The following CSMD1 variants were observed in gnomAD, a reference collection of about 807,000 sequenced individuals.
CSMD1 encodes CUB and Sushi multiple domains 1.
In CSMD1, 213 loss-of-function variants were observed where a neutral mutation model predicts 417.5. That is an observed-to-expected ratio of 0.51 (90% CI 0.46 to 0.57). The LOEUF is 0.57. CSMD1 is among the 20% of genes least tolerant of loss of function. The pLI is 0.00. For missense variants in CSMD1, 6,923 were observed against 4,529.7 expected (o/e 1.53, Z -15.17); for synonymous variants, 2,862 against 1,736.8 (o/e 1.65, Z -16.11).
intron 1 of CSMD1, among the ~76,000 whole-genome samples, chr8:4,650,347 G>GAAAAAAA (rs61642390): frequency 1.3e-5 from 1 of 78,250 alleles, no homozygotes; most frequent in African/African-American, 4.3e-5. Context: ...TCCGTCTCAA[G>GAAAAAAA]AAAAAAAAAA....
At chr8:3,439,281 G>GTATATATATATATATAGATATATATATA (rs1814793474) in intron 12 of CSMD1, among the ~76,000 whole-genome samples, 1 of 54,344 alleles carries the variant, frequency 1.8e-5, no homozygotes, top group Non-Finnish European at 3.3e-5. Flanking sequence ...GGCAATGTCA[G>GTATATATATATATATAGATATATATATA]TATATATATA....
intron 38 of CSMD1, among the ~76,000 whole-genome samples, chr8:3,159,693 T>A (rs1242943525): frequency 6.6e-6 from 1 of 152,198 alleles, no homozygotes; most frequent in East Asian, 1.9e-4. Flanking sequence ...TGGCATTGTT[T>A]GTAACGAAGA....
At chr8:4,022,965 C>G (rs2130514795) in intron 4 of CSMD1, among the ~76,000 whole-genome samples, 1 of 152,226 alleles carries the variant, frequency 6.6e-6, no homozygotes, top group Non-Finnish European at 1.5e-5. Flanking sequence ...AATTTGAGGG[C>G]AAATAAATAG....
intron 10 of CSMD1, among the ~76,000 whole-genome samples, chr8:3,553,908 C>G (rs1585354334): frequency 2.0e-5 from 3 of 152,106 alleles, no homozygotes; most frequent in Admixed American, 2.0e-4. Flanking sequence ...TTTAAATGGT[C>G]ATGTAAAGGC....
Position 3,926,102 on chromosome 8 carries a change from C to CAA in CSMD1, c.818+71800_818+71801insTT, listed in dbSNP as rs1197017795. Among the ~76,000 whole-genome samples, 6 of 52,094 alleles carry CAA rather than the reference C, an allele frequency of 1.2e-4. 1 individual carries two copies. Among genetic ancestry groups the CAA allele is most frequent in the East Asian group, 3.3e-3 (2 of 602 alleles). The allele number at this position is 52,094 out of a possible 152,430, so 34.2% of individuals were successfully genotyped here. Reference sequence around the variant, plus strand: ...CACCATACACACACACACACACACACACACACACACACACACACACACACA... The same window carrying CAA: ...CACCATACACACACACACACACACACAAACACACACACACACACACACACACA... On this transcript the variant is annotated intron_variant, in intron 5 of 69. Coordinates refer to ENST00000635120, the MANE Select transcript of CSMD1 (RefSeq NM_033225.6).
intron 8 of CSMD1, among the ~76,000 whole-genome samples, chr8:3,605,941 A>C (rs1420772186): frequency 6.6e-6 from 1 of 152,192 alleles, no homozygotes; most frequent in Admixed American, 6.5e-5. Flanking sequence ...TGTTAGCCTC[A>C]GTTTAATCCA....
chr8:3,111,198 C>T (rs577708728), intron 42 of CSMD1, among the ~76,000 whole-genome samples: 1 of 152,018 alleles, frequency 6.6e-6, no homozygotes, highest in African/African-American at 2.4e-5. Context: ...GGAAAAAGGC[C>T]CAAATACACA....
chr8:4,202,597 T>A (rs758030065), intron 3 of CSMD1, among the ~76,000 whole-genome samples: 1 of 152,244 alleles, frequency 6.6e-6, no homozygotes, highest in Non-Finnish European at 1.5e-5. Flanking sequence ...GTTACTTTCC[T>A]GCAATCTCTT....
chr8:3,673,818 A>G (rs571453736), intron 7 of CSMD1, among the ~76,000 whole-genome samples: 1 of 152,296 alleles, frequency 6.6e-6, no homozygotes, highest in East Asian at 1.9e-4. Context: ...ACACGCCATC[A>G]TTAGGAACTC....
chr8:4,271,850 G>T (rs887305070), intron 3 of CSMD1, among the ~76,000 whole-genome samples: 1 of 152,116 alleles, frequency 6.6e-6, no homozygotes, highest in Non-Finnish European at 1.5e-5. Flanking sequence ...TATTTGAAAG[G>T]CACAGTGCAT....
At chr8:3,384,405 T>A (rs1194525939) in intron 18 of CSMD1, among the ~76,000 whole-genome samples, 1 of 151,804 alleles carries the variant, frequency 6.6e-6, no homozygotes, top group Non-Finnish European at 1.5e-5. Context: ...ATATTATAAA[T>A]TAAGTTTCTG....
intron 3 of CSMD1, among the ~76,000 whole-genome samples, chr8:4,056,216 G>C (rs1014807038): frequency 3.3e-5 from 5 of 150,636 alleles, no homozygotes; most frequent in African/African-American, 1.2e-4. Context: ...CGAGTAGCTG[G>C]GATTACAGGT....
At chr8:4,905,130 A>C (rs1458021543) in intron 1 of CSMD1, among the ~76,000 whole-genome samples, 1 of 152,110 alleles carries the variant, frequency 6.6e-6, no homozygotes, top group Non-Finnish European at 1.5e-5. Context: ...CAACTTTTAA[A>C]TGTCATAAGG....
intron 3 of CSMD1, among the ~76,000 whole-genome samples, chr8:4,216,256 T>C (rs554365452): frequency 6.6e-6 from 1 of 152,200 alleles, no homozygotes; most frequent in South Asian, 2.1e-4. Context: ...CTGGAATCCT[T>C]TCACTCTACG....
intron 6 of CSMD1, among the ~76,000 whole-genome samples, chr8:3,744,424 A>G (rs1326661857): frequency 6.6e-6 from 1 of 152,224 alleles, no homozygotes; most frequent in Non-Finnish European, 1.5e-5. Flanking sequence ...TATTCCATAG[A>G]AAGATTTTAA....
chr8:3,762,857 C>T (rs545576034), intron 5 of CSMD1, among the ~76,000 whole-genome samples: 10 of 152,300 alleles, frequency 6.6e-5, no homozygotes, highest in East Asian at 3.9e-4. Flanking sequence ...AGCCGAGACA[C>T]GGTGGACAGT....
chr8:4,805,327 AT>A (rs542522380), intron 1 of CSMD1, among the ~76,000 whole-genome samples: 32 of 152,344 alleles, frequency 2.1e-4, no homozygotes, highest in African/African-American at 7.5e-4. Context: ...ACACTTCAAT[AT>A]CCTCTGAAAA....
chr8:3,822,602 G>C (rs1216028677), intron 5 of CSMD1, among the ~76,000 whole-genome samples: 1 of 152,068 alleles, frequency 6.6e-6, no homozygotes, highest in Non-Finnish European at 1.5e-5. Flanking sequence ...TTTTCTCTGG[G>C]CACCACCTTC....
At chr8:2,953,236 A>G (rs1284521814) in intron 65 of CSMD1, among the ~76,000 whole-genome samples, 2 of 152,190 alleles carry the variant, frequency 1.3e-5, no homozygotes, top group Non-Finnish European at 2.9e-5. Context: ...AAAATAGTCT[A>G]GAAAGCTTTA....
Sources: allele counts gnomAD v4.1 joint callset (sites outside exome capture counted in the v4.1 genomes callset), GRCh38; gene constraint gnomAD v4.1.1; transcripts MANE v1.5; gene names NCBI Gene and HGNC (gene_info 2026-07-23, HGNC 2026-07-21).